Variants in OPCML observed in about 807,000 individuals in gnomAD.
OPCML encodes the protein opioid-binding protein/cell adhesion molecule.
In OPCML, 13 loss-of-function variants were observed where a neutral mutation model predicts 37.8. The observed-to-expected ratio is 0.34, with a 90% CI of 0.22 to 0.55. The LOEUF is 0.55. Among genes scored for constraint, OPCML ranks in the 20% least tolerant of loss-of-function variants. The pLI, the probability that OPCML is intolerant of heterozygous loss-of-function variation, is 0.91. For missense variants in OPCML, 341 were observed against 435.6 expected, an observed-to-expected ratio of 0.78 and a Z score of 1.93; for synonymous variants, 176 against 168.8, an observed-to-expected ratio of 1.04 and a Z score of -0.33.
At chr11:132,929,195 C>A (rs1007363736) in intron 2 of OPCML, among the ~76,000 whole-genome samples, 6 of 150,910 alleles carry the variant, frequency 4.0e-5, no homozygotes, top group African/African-American at 1.5e-4. Flanking sequence ...ACAAAATGGG[C>A]AAAACTTTAG....
intron 1 of OPCML, among the ~76,000 whole-genome samples, chr11:133,287,994 A>T (rs1045690688): frequency 6.6e-6 from 1 of 152,164 alleles, no homozygotes; most frequent in African/African-American, 2.4e-5. Context: ...GCTGATGCTA[A>T]CTACATGCTC....
chr11:132,631,565 T>C (rs896173274), intron 3 of OPCML, among the ~76,000 whole-genome samples: 4 of 150,954 alleles, frequency 2.6e-5, no homozygotes, highest in African/African-American at 9.7e-5. Flanking sequence ...GTTCACGCCA[T>C]TCGCCTGCCT....
intron 2 of OPCML, among the ~76,000 whole-genome samples, chr11:132,868,031 T>G (rs1591726741): frequency 1.3e-5 from 2 of 152,182 alleles, no homozygotes; most frequent in African/African-American, 4.8e-5. Context: ...AGTAATGCTT[T>G]GATATTGTTT....
intron 1 of OPCML, among the ~76,000 whole-genome samples, chr11:133,260,126 G>A (rs183874513): frequency 1.1e-4 from 17 of 151,890 alleles, no homozygotes; most frequent in Admixed American, 2.6e-4. Flanking sequence ...GCTCTCGGGG[G>A]ACAGAGTTTC....
intron 2 of OPCML, among the ~76,000 whole-genome samples, chr11:132,760,374 ATCTG>A (rs1479863444): frequency 4.6e-5 from 7 of 152,150 alleles, no homozygotes; most frequent in African/African-American, 1.7e-4. Flanking sequence ...TGTCTCATTG[ATCTG>A]TCTAATATTG....
At chr11:132,544,886 G>A (rs1322420687) in intron 3 of OPCML, among the ~76,000 whole-genome samples, 2 of 152,138 alleles carry the variant, frequency 1.3e-5, no homozygotes, top group Non-Finnish European at 2.9e-5. Context: ...TGTACTCAGG[G>A]AAGCTGGTAG....
chr11:133,445,465 A>G (rs1946455564), intron 1 of OPCML, among the ~76,000 whole-genome samples: 1 of 152,192 alleles, frequency 6.6e-6, no homozygotes, highest in Admixed American at 6.6e-5. Flanking sequence ...CACCTGCCTC[A>G]TCAACTGGAG....
intron 2 of OPCML, among the ~76,000 whole-genome samples, chr11:132,727,294 A>G (rs769681881): frequency 2.0e-5 from 3 of 152,202 alleles, no homozygotes; most frequent in African/African-American, 7.2e-5. Context: ...ATTCAATACT[A>G]GGTGATCTGA....
chr11:132,828,459 T>A (rs1197938956), intron 2 of OPCML, among the ~76,000 whole-genome samples: 1 of 152,174 alleles, frequency 6.6e-6, no homozygotes, highest in East Asian at 1.9e-4. Context: ...CGATGCAGAA[T>A]GTTAATGGAG....
At chr11:132,498,504 T>A (rs926151332) in intron 4 of OPCML, among the ~76,000 whole-genome samples, 5 of 152,244 alleles carry the variant, frequency 3.3e-5, no homozygotes, top group African/African-American at 1.2e-4. Flanking sequence ...GACAGAAGAA[T>A]CATACAACTT....
intron 1 of OPCML, among the ~76,000 whole-genome samples, chr11:133,497,951 G>A (rs1023716093): frequency 6.6e-6 from 1 of 152,178 alleles, no homozygotes; most frequent in Non-Finnish European, 1.5e-5. Flanking sequence ...TCAGTTTCAC[G>A]GACCAGGGCA....
At chr11:133,266,423 A>G (rs1439744629) in intron 1 of OPCML, among the ~76,000 whole-genome samples, 1 of 152,056 alleles carries the variant, frequency 6.6e-6, no homozygotes, top group Non-Finnish European at 1.5e-5. Context: ...TCCCTCAAGG[A>G]TCTCCCCCTG....
At chr11:133,503,352 G>C (rs1591574840) in intron 1 of OPCML, among the ~76,000 whole-genome samples, 2 of 152,072 alleles carry the variant, frequency 1.3e-5, no homozygotes, top group Admixed American at 1.3e-4. Flanking sequence ...AACATGCAGG[G>C]TCAGCGGAGT....
intron 1 of OPCML, among the ~76,000 whole-genome samples, chr11:132,999,310 C>T (rs1232138864): frequency 1.3e-5 from 2 of 152,058 alleles, no homozygotes; most frequent in Admixed American, 6.5e-5. Flanking sequence ...ATGACACTGC[C>T]GTTTCCTACA....
intron 1 of OPCML, among the ~76,000 whole-genome samples, chr11:132,965,519 T>C (rs1946194210): frequency 6.6e-6 from 1 of 152,070 alleles, no homozygotes. Context: ...GTTGTTGTTG[T>C]TGTTTGTTGT....
chr11:133,171,451 A>T (rs1354703002), intron 1 of OPCML, among the ~76,000 whole-genome samples: 1 of 152,178 alleles, frequency 6.6e-6, no homozygotes, highest in Non-Finnish European at 1.5e-5. Context: ...ATTCTCATAT[A>T]ACCCATAGTG....
At chr11:132,422,860 T>TGAGAGAAACTCCCA (rs2095964623) in intron 7 of OPCML, among the ~76,000 whole-genome samples, 1 of 152,186 alleles carries the variant, frequency 6.6e-6, no homozygotes, top group African/African-American at 2.4e-5. Context: ...GACCACAGTA[T>TGAGAGAAACTCCCA]CATGGTGTGA....
chr11:132,426,193 C>CCTT (rs2095977140), intron 7 of OPCML, among the ~76,000 whole-genome samples: 1 of 152,094 alleles, frequency 6.6e-6, no homozygotes. Context: ...AATAAGATTT[C>CCTT]CTTTAGAATA....
intron 3 of OPCML, among the ~76,000 whole-genome samples, chr11:132,608,861 G>C (rs1565707435): frequency 6.6e-6 from 1 of 152,078 alleles, no homozygotes; most frequent in Non-Finnish European, 1.5e-5. Flanking sequence ...CATCATCCTT[G>C]CTTCCTCCTG....
Sources: gnomAD v4.1 joint callset for allele counts (sites outside exome capture counted in the v4.1 genomes callset) on GRCh38, gnomAD v4.1.1 for gene constraint, MANE v1.5 for transcripts, NCBI Gene and HGNC (gene_info 2026-07-23, HGNC 2026-07-21) for gene names.